Variants in CFAP20DC observed in about 807,000 individuals in gnomAD.
CFAP20DC encodes the protein CFAP20 domain containing, also known as protein CFAP20DC.
In CFAP20DC, 84 loss-of-function variants were observed where a neutral mutation model predicts 101.7. That is an observed-to-expected ratio of 0.83 (90% CI 0.69 to 0.99). The LOEUF is 0.99. CFAP20DC is among the 50% of genes least tolerant of loss of function. CFAP20DC has a pLI of 0.00. For missense variants in CFAP20DC, 1,007 were observed against 970.3 expected, an observed-to-expected ratio of 1.04 and a Z score of -0.50; for synonymous variants, 359 against 351.2, an observed-to-expected ratio of 1.02 and a Z score of -0.25.
chr3:59,039,688 C>A, intron 3 of CFAP20DC, 59 bp from the exon 4 acceptor site: 2 of 1,030,620 alleles, frequency 1.9e-6, no homozygotes, highest in Non-Finnish European at 2.8e-6. Context: ...TGCATATAAA[C>A]AAACACAATC....
At chr3:58,834,471 G>A (rs1045373796) in intron 13 of CFAP20DC, among the ~76,000 whole-genome samples, 1 of 152,096 alleles carries the variant, frequency 6.6e-6, no homozygotes, top group Non-Finnish European at 1.5e-5. Context: ...ATATGATTGA[G>A]TCATTCATTC....
At chr3:58,891,102 G>A (rs1424778932) in intron 6 of CFAP20DC, among the ~76,000 whole-genome samples, 2 of 150,536 alleles carry the variant, frequency 1.3e-5, no homozygotes, top group African/African-American at 2.4e-5. Context: ...GTAGTGAGCC[G>A]AGATCACGCC....
chr3:58,950,133 A>G (rs985798877), intron 4 of CFAP20DC, among the ~76,000 whole-genome samples: 1 of 152,216 alleles, frequency 6.6e-6, no homozygotes, highest in Non-Finnish European at 1.5e-5. Context: ...AATAACAGAC[A>G]AACGGAGAGC....
At chr3:58,814,124 G>C (rs2107815438) in intron 14 of CFAP20DC, among the ~76,000 whole-genome samples, 1 of 151,812 alleles carries the variant, frequency 6.6e-6, no homozygotes, top group South Asian at 2.1e-4. Flanking sequence ...TATTTTTAGA[G>C]GCATTTCCAT....
At chr3:59,020,432 A>C (rs2093780394) in intron 4 of CFAP20DC, among the ~76,000 whole-genome samples, 1 of 152,082 alleles carries the variant, frequency 6.6e-6, no homozygotes, top group Non-Finnish European at 1.5e-5. Flanking sequence ...TTTACTCAAA[A>C]GCCACAGGAT....
At chr3:58,930,843 G>A (rs1031902891) in intron 5 of CFAP20DC, among the ~76,000 whole-genome samples, 23 of 152,152 alleles carry the variant, frequency 1.5e-4, no homozygotes, top group South Asian at 2.1e-4. Flanking sequence ...CGTGAGCGAC[G>A]CAGAAGACGG....
chr3:58,966,884 G>A (rs138459077), intron 4 of CFAP20DC, among the ~76,000 whole-genome samples: 1,551 of 152,176 alleles, frequency 0.01, 28 homozygotes, highest in African/African-American at 0.035. Flanking sequence ...TAATGGACTG[G>A]AAGACAATAT....
At chr3:58,784,155 CACT>C (rs1250248479) in intron 15 of CFAP20DC, among the ~76,000 whole-genome samples, 1 of 151,818 alleles carries the variant, frequency 6.6e-6, no homozygotes, top group South Asian at 2.1e-4. Context: ...GTTTAGTGCC[CACT>C]TATGAGTGAG....
intron 4 of CFAP20DC, among the ~76,000 whole-genome samples, chr3:58,983,606 G>A (rs1416140004): frequency 6.6e-6 from 1 of 151,718 alleles, no homozygotes; most frequent in Non-Finnish European, 1.5e-5. Context: ...TTGGAAATAG[G>A]GTAAATATTT....
rs561446329 is a variant in CFAP20DC, at chr3:58,927,162, T to A, written c.393+10486A>T. 2.6e-5 allele frequency among the ~76,000 whole-genome samples: 4 copies of A among 152,320 alleles called. 1 individual carries two copies. In the South Asian group the frequency reaches 8.3e-4, roughly 32 times the overall value. On this transcript the variant is annotated intron_variant, in intron 5 of 16. Transcript: ENST00000482387. ...AAATATTAAAGTGACTCTTCACAGCTAAAAATAACATGAAATATAAAAATT... is the reference window on the plus strand; with the variant it reads ...AAATATTAAAGTGACTCTTCACAGCAAAAAATAACATGAAATATAAAAATT...
intron 5 of CFAP20DC, among the ~76,000 whole-genome samples, chr3:58,915,735 T>C (rs1359470776): frequency 3.9e-5 from 6 of 152,186 alleles, no homozygotes; most frequent in South Asian, 2.1e-4. Context: ...TATGGTATTA[T>C]ATGCAAATAT....
At chr3:58,889,021 T>C (rs1355601373) in intron 6 of CFAP20DC, among the ~76,000 whole-genome samples, 2 of 152,102 alleles carry the variant, frequency 1.3e-5, no homozygotes, top group Admixed American at 6.5e-5. Flanking sequence ...TTAATTTTAG[T>C]ATTTTGTTTA....
chr3:58,731,575 G>A (rs998350160), intron 3 of CFAP20DC, among the ~76,000 whole-genome samples: 3 of 152,204 alleles, frequency 2.0e-5, no homozygotes, highest in African/African-American at 7.2e-5. Context: ...AATAATACCT[G>A]CATGCCACGT....
chr3:58,886,111 G>A (rs779641295), intron 6 of CFAP20DC, among the ~76,000 whole-genome samples: 30 of 152,040 alleles, frequency 2.0e-4, no homozygotes, highest in Non-Finnish European at 3.8e-4. Flanking sequence ...TTTACTATGT[G>A]TACCAAAGTC....
downstream of CFAP20DC, among the ~76,000 whole-genome samples, chr3:58,740,886 T>C (rs1284282183): frequency 6.6e-6 from 1 of 152,180 alleles, no homozygotes; most frequent in Non-Finnish European, 1.5e-5. This position sits in a 1 kb window ranked among gnomAD's most constrained non-coding sequence, Gnocchi z 4.6. Context: ...CTTTTATCAT[T>C]TTGCATGCTT....
intron 14 of CFAP20DC, among the ~76,000 whole-genome samples, chr3:58,817,907 T>A (rs1324294302): frequency 2.0e-5 from 3 of 150,328 alleles, no homozygotes; most frequent in Non-Finnish European, 4.4e-5. Context: ...CGGGTTACCC[T>A]CAAAGGGAAG....
intron 4 of CFAP20DC, among the ~76,000 whole-genome samples, chr3:59,024,892 C>G (rs2093866134): frequency 6.6e-6 from 1 of 152,094 alleles, no homozygotes. Context: ...CTCATGGGAT[C>G]AAAGAAACAT....
At chr3:58,902,386 G>T (rs985645147) in intron 6 of CFAP20DC, among the ~76,000 whole-genome samples, 1 of 152,090 alleles carries the variant, frequency 6.6e-6, no homozygotes, top group Admixed American at 6.5e-5. Context: ...TCCCCACAGC[G>T]GGTGAACGAT....
chr3:59,007,537 A>T lies in CFAP20DC; in HGVS notation c.278+32020T>A, dbSNP rs1015922955. Among the ~76,000 whole-genome samples the T allele has an allele frequency of 6.6e-6, 1 of 152,238 alleles. No individual in the cohort carries two copies. The highest frequency in any genetic ancestry group is 1.5e-5 in the Non-Finnish European group (1 of 68,040). On this transcript the variant is annotated intron_variant, in intron 4 of 16. Transcript: ENST00000482387. This position sits in a 1 kb window ranked among gnomAD's most constrained non-coding sequence, Gnocchi z 4.4. ...CTGAGTCTGTCCATGCGACAACTTCACTGCTAGCATAACCAGCATTTGAGA... is the reference window on the plus strand; with the variant it reads ...CTGAGTCTGTCCATGCGACAACTTCTCTGCTAGCATAACCAGCATTTGAGA...
Sources: gnomAD v4.1 joint callset for allele counts (sites outside exome capture counted in the v4.1 genomes callset) on GRCh38, gnomAD v4.1.1 for gene constraint, Gnocchi (gnomAD v3.1) non-coding constraint, MANE v1.5 for transcripts, NCBI Gene and HGNC (gene_info 2026-07-23, HGNC 2026-07-21) for gene names.